Variants in TMEM232 observed in about 807,000 individuals in gnomAD.
TMEM232 encodes transmembrane protein 232.
Under a neutral mutation model 78.8 loss-of-function variants are expected in TMEM232, and 80 were observed. The observed-to-expected ratio is 1.01, with a 90% CI of 0.85 to 1.22. TMEM232 has a LOEUF of 1.22. TMEM232 is among the 50% of genes most tolerant of loss of function. TMEM232 has a pLI of 0.00. For missense variants in TMEM232, 881 were observed against 742.2 expected, an observed-to-expected ratio of 1.19 and a Z score of -2.17; for synonymous variants, 297 against 254.3, an observed-to-expected ratio of 1.17 and a Z score of -1.60.
intron 11 of TMEM232, among the ~76,000 whole-genome samples, chr5:110,543,457 T>C (rs1257915588): frequency 6.6e-6 from 1 of 152,204 alleles, no homozygotes; most frequent in Admixed American, 6.6e-5. Context: ...GGAAGGAATA[T>C]GGGCTGTGCA....
chr5:110,401,529 T>G (rs555683576), intron 2 of TMEM232, among the ~76,000 whole-genome samples: 1 of 152,162 alleles, frequency 6.6e-6, no homozygotes, highest in Admixed American at 6.5e-5. Flanking sequence ...CAGGATCCCA[T>G]TAGGCCACCC....
intron 5 of TMEM232, among the ~76,000 whole-genome samples, 177 bp from the exon 6 acceptor site, chr5:110,628,057 T>C (rs1784640658): frequency 6.6e-6 from 1 of 152,132 alleles, no homozygotes; most frequent in Non-Finnish European, 1.5e-5. Flanking sequence ...ATTGAAATGC[T>C]AGTTCAGCCA....
At chr5:110,646,042 A>G (rs1787432433) in intron 2 of TMEM232, among the ~76,000 whole-genome samples, 1 of 151,660 alleles carries the variant, frequency 6.6e-6, no homozygotes, top group African/African-American at 2.4e-5. Context: ...ATTATAAAAC[A>G]TTTATAAAGG....
At chr5:110,585,971 G>A (rs1778771233) in intron 10 of TMEM232, among the ~76,000 whole-genome samples, 1 of 152,080 alleles carries the variant, frequency 6.6e-6, no homozygotes, top group Admixed American at 6.6e-5. Flanking sequence ...TTGCAGGTTT[G>A]GAAAGAATAT....
chr5:110,704,983 A>C (rs755610680), intron 1 of TMEM232, among the ~76,000 whole-genome samples: 3 of 152,134 alleles, frequency 2.0e-5, no homozygotes, highest in Non-Finnish European at 2.9e-5. Context: ...ACTGGGATTC[A>C]TACAATGGGG....
At chr5:110,558,754 C>T (rs954327244) in intron 11 of TMEM232, among the ~76,000 whole-genome samples, 2 of 152,130 alleles carry the variant, frequency 1.3e-5, no homozygotes, top group South Asian at 2.1e-4. Flanking sequence ...AATCCACTGC[C>T]GAATCCCTTC....
At chr5:110,643,051 A>C (rs1179378726) in intron 2 of TMEM232, among the ~76,000 whole-genome samples, 3 of 152,012 alleles carry the variant, frequency 2.0e-5, no homozygotes, top group African/African-American at 7.2e-5. Context: ...ACAGAATATA[A>C]ATAAGGAGAA....
intron 12 of TMEM232, among the ~76,000 whole-genome samples, chr5:110,510,866 C>T (rs1456972003): frequency 6.6e-6 from 1 of 152,116 alleles, no homozygotes; most frequent in Admixed American, 6.5e-5. Context: ...TTAGTTCAAC[C>T]ATTGTAGAAG....
chr5:110,503,492 T>C (rs1175642829), intron 12 of TMEM232, among the ~76,000 whole-genome samples: 1 of 152,148 alleles, frequency 6.6e-6, no homozygotes, highest in African/African-American at 2.4e-5. Flanking sequence ...GATAGTTGCA[T>C]ACCTGAGTAT....
chr5:110,472,958 A>G (rs757775835), intron 12 of TMEM232, among the ~76,000 whole-genome samples: 2 of 151,904 alleles, frequency 1.3e-5, no homozygotes, highest in Non-Finnish European at 2.9e-5. Flanking sequence ...AGACCTCGAA[A>G]CTATGAAAAA....
At chr5:110,478,282 C>T (rs1420551884) in intron 12 of TMEM232, among the ~76,000 whole-genome samples, 1 of 151,892 alleles carries the variant, frequency 6.6e-6, no homozygotes, top group Non-Finnish European at 1.5e-5. Context: ...GTTTTTAAAC[C>T]TTAAGCCAGA....
chr5:110,401,738 T>A (rs1755607209), intron 2 of TMEM232, among the ~76,000 whole-genome samples: 2 of 152,222 alleles, frequency 1.3e-5, no homozygotes, highest in African/African-American at 4.8e-5. Context: ...CAATATACTT[T>A]TAATTGAATT....
At position 110,434,660 on chromosome 5, in the gene TMEM232, A is replaced by G. The variant is rs555739942; in HGVS notation, c.1704-9744T>C. ...AATCTGGCAAAGAGAGAAAAAGAAAACTACAGACTAATATCTCTGATGAAC... is the reference window on the plus strand; with the variant it reads ...AATCTGGCAAAGAGAGAAAAAGAAAGCTACAGACTAATATCTCTGATGAAC... On this transcript the variant is annotated intron_variant, in intron 12 of 13. Transcript: ENST00000455884. Among the ~76,000 whole-genome samples the G allele has an allele frequency of 2.6e-5, 4 of 152,204 alleles. No homozygotes were observed. In the South Asian group the frequency reaches 8.3e-4, roughly 32 times the overall value.
At position 110,706,656 on chromosome 5, in the gene TMEM232, T is replaced by A. The variant is rs1431427430; in HGVS notation, c.-13+19971A>T. 2.6e-5 allele frequency among the ~76,000 whole-genome samples: 4 copies of A among 152,302 alleles called. No homozygotes were observed. In the South Asian group the frequency reaches 8.3e-4, roughly 32 times the overall value. On this transcript the variant is annotated intron_variant, in intron 1 of 13. Transcript: ENST00000455884. ...CAAGAATTATTAAAAGTACATCACA[T>A]TGAATATTCTTCCACCCAGCTCCTC...
At chr5:110,473,344 G>A (rs1018840534) in intron 12 of TMEM232, among the ~76,000 whole-genome samples, 20 of 151,672 alleles carry the variant, frequency 1.3e-4, no homozygotes, top group African/African-American at 4.8e-4. Flanking sequence ...CAACATCACT[G>A]ATCATCAGGA....
chr5:110,476,990 C>T (rs1056076191), intron 12 of TMEM232, among the ~76,000 whole-genome samples: 8 of 151,892 alleles, frequency 5.3e-5, no homozygotes, highest in East Asian at 3.9e-4. Context: ...GGGACAAAAA[C>T]GGTATGTGAA....
intron 8 of TMEM232, among the ~76,000 whole-genome samples, chr5:110,610,913 A>C (rs1782194877): frequency 1.3e-5 from 2 of 152,164 alleles, no homozygotes; most frequent in Admixed American, 6.6e-5. Context: ...GGCCTTACCT[A>C]AGTAATCATA....
intron 12 of TMEM232, among the ~76,000 whole-genome samples, chr5:110,471,433 A>C (rs942525568): frequency 3.3e-5 from 5 of 152,086 alleles, no homozygotes; most frequent in Non-Finnish European, 5.9e-5. Flanking sequence ...ATTAAAACCA[A>C]AGAGGACTTC....
chr5:110,694,492 T>C (rs1232724277), intron 1 of TMEM232, among the ~76,000 whole-genome samples: 3 of 152,114 alleles, frequency 2.0e-5, no homozygotes, highest in Non-Finnish European at 4.4e-5. Flanking sequence ...ATGCTACAAT[T>C]AAAAGACACA....
Sources: allele counts gnomAD v4.1 joint callset (sites outside exome capture counted in the v4.1 genomes callset), GRCh38; gene constraint gnomAD v4.1.1; transcripts MANE v1.5; gene names NCBI Gene and HGNC (gene_info 2026-07-23, HGNC 2026-07-21).